Variants in RRP1B observed in about 807,000 individuals in gnomAD.
The protein encoded by RRP1B is ribosomal RNA processing protein 1 homolog B.
A neutral mutation model predicts 80.2 loss-of-function variants in RRP1B; 56 were observed. The ratio of observed to expected loss-of-function variants is 0.70; its 90% CI spans 0.56 to 0.87. RRP1B has a LOEUF of 0.87. RRP1B is among the 40% of genes least tolerant of loss of function. RRP1B has a pLI of 0.00. For synonymous variants in RRP1B, 351 were observed against 357.6 expected (o/e 0.98, Z 0.21); for missense variants, 807 against 939.8 (o/e 0.86, Z 1.85).
Position 43,691,983 on chromosome 21 carries a change from A to T in RRP1B, c.2083+481A>T, listed in dbSNP as rs545503190. 1.7e-4 allele frequency among the ~76,000 whole-genome samples: 26 copies of T among 152,162 alleles called. No individual in the cohort carries two copies. Among genetic ancestry groups the T allele is most frequent in the African/African-American group, 6.3e-4 (26 of 41,498 alleles). ...ATTTCTGAGTCAGAAGGAAGCACCT[A>T]TGTGTCTGTCCCTCATCCTCAAAGG... On this transcript the variant is annotated intron_variant, in intron 15 of 15. Coordinates refer to ENST00000340648, the MANE Select transcript of RRP1B (RefSeq NM_015056.3). The surrounding 1 kb of genome is among the most constrained non-coding windows in gnomAD (Gnocchi z 4.2).
chr21:43,671,514 C>T (rs919098194), intron 2 of RRP1B, among the ~76,000 whole-genome samples: 1 of 151,954 alleles, frequency 6.6e-6, no homozygotes, highest in African/African-American at 2.4e-5. Flanking sequence ...ACTACAGGTG[C>T]ACGCCTCCAT....
rs373625603 is a variant in RRP1B at position 43,690,279 on chromosome 21, C to T, written c.1867-9C>T. The stretch of plus-strand genomic sequence containing the variant: ...CCCCTCCTCCGCTTCTCACCCCTCG[C>T]TCACGTAGGGAAGCAGTGGGACTTG... On this transcript the variant is annotated splice_polypyrimidine_tract_variant and intron_variant, in intron 13 of 15. Coordinates refer to ENST00000340648, the MANE Select transcript of RRP1B (RefSeq NM_015056.3). 2 of 1,613,854 alleles carry T rather than the reference C, an allele frequency of 1.2e-6. No homozygotes were observed. Among genetic ancestry groups the T allele is most frequent in the East Asian group, 2.2e-5 (1 of 44,886 alleles).
At chr21:43,692,952 G>C (rs536739384) in intron 15 of RRP1B, among the ~76,000 whole-genome samples, 1 of 152,120 alleles carries the variant, frequency 6.6e-6, no homozygotes, top group Non-Finnish European at 1.5e-5. Flanking sequence ...GCTCCCCTTA[G>C]TCTGTGCAGG....
Position 43,659,869 on chromosome 21 carries a change from G to T in RRP1B, c.130+75G>T, listed in dbSNP as rs1045641401. On this transcript the variant is annotated intron_variant, in intron 1 of 15. Transcript: ENST00000340648. This position sits in a 1 kb window ranked among gnomAD's most constrained non-coding sequence, Gnocchi z 4.2. ...GGGCTGGGGCTAGGGCCAGGGCCCCGGCACGGAATGCGGCTTCCACGTGTT... is the reference window on the plus strand; with the variant it reads ...GGGCTGGGGCTAGGGCCAGGGCCCCTGCACGGAATGCGGCTTCCACGTGTT... The T allele has an allele frequency of 4.4e-6, 6 of 1,362,182 alleles. No individual in the cohort carries two copies. The African/African-American group carries it at 7.7e-5, about 17-fold the overall frequency. 84.4% of individuals were successfully genotyped at this position (1,362,182 alleles called of 1,614,324 possible). A position where few individuals can be genotyped will look rare whatever the true frequency, so the allele number is the denominator to read the frequency against.
intron 10 of RRP1B, 80 bp from the exon 11 acceptor site, chr21:43,685,690 T>C: frequency 9.5e-7 from 1 of 1,049,162 alleles, no homozygotes; most frequent in Non-Finnish European, 1.3e-6. Context: ...CAAATACATA[T>C]GTCTACAGAA....
intron 12 of RRP1B, 108 bp downstream of exon 12, chr21:43,687,043 GC>G (rs2083065933): frequency 1.6e-6 from 2 of 1,242,358 alleles, no homozygotes; most frequent in African/African-American, 3.0e-5. Context: ...CATTAGCAGA[GC>G]CCAAAGCTTC....
chr21:43,662,230 G>A (rs565297871), intron 1 of RRP1B, among the ~76,000 whole-genome samples: 2 of 152,228 alleles, frequency 1.3e-5, no homozygotes, highest in Non-Finnish European at 2.9e-5. Context: ...CAGAGGTTAT[G>A]CGGGGGCCTA....
At chr21:43,679,178 C>T (rs555762996) in intron 8 of RRP1B, among the ~76,000 whole-genome samples, 8 of 151,390 alleles carry the variant, frequency 5.3e-5, no homozygotes, top group Non-Finnish European at 7.4e-5. Flanking sequence ...AGTTTGAAAT[C>T]GAGTGTTCTG....
Position 43,686,810 on chromosome 21 carries a change from G to A in RRP1B, c.1016G>A (p.Ser339Asn), listed in dbSNP as rs2083064910. The change falls in exon 12 of 16, where the codon AGT (serine) becomes AAT (asparagine). Residue 339 changes from serine (S) to asparagine (N), a missense_variant. Ser to Asn is a conservative substitution (Grantham distance 46, BLOSUM62 1). Transcript: ENST00000340648. ...GTGTCACTCTGGCATCTAGGAAGCAGTATATCTCAACTCAGTTTTGCGGAG... is the reference window on the plus strand; with the variant it reads ...GTGTCACTCTGGCATCTAGGAAGCAATATATCTCAACTCAGTTTTGCGGAG... ...KKFQDLSEGS[S>N]ISQLSFAEDI... is the part of the protein sequence containing the mutation. 4.3e-6 allele frequency: 7 copies of A among 1,614,050 alleles called. No individual in the cohort carries two copies. Among genetic ancestry groups the A allele is most frequent in the Non-Finnish European group, 5.1e-6 (6 of 1,179,964 alleles).
chr21:43,665,875 C>T (rs943233189), intron 1 of RRP1B, among the ~76,000 whole-genome samples: 1 of 152,204 alleles, frequency 6.6e-6, no homozygotes, highest in Non-Finnish European at 1.5e-5. Flanking sequence ...AACCTCTTAG[C>T]GTCAGGTGTT....
intron 1 of RRP1B, among the ~76,000 whole-genome samples, chr21:43,667,414 T>G (rs1208638042): frequency 1.3e-5 from 2 of 151,222 alleles, no homozygotes; most frequent in Non-Finnish European, 3.0e-5. Flanking sequence ...TTGTTGTTGG[T>G]GTGTGTGTGT....
chr21:43,676,908 A>T lies in RRP1B; in HGVS notation c.790A>T (p.Lys264Ter), dbSNP rs1326020064. 6.2e-7 allele frequency: 1 copy of T among 1,614,112 alleles called. No individual in the cohort carries two copies. The highest frequency in any genetic ancestry group is 2.2e-5 in the East Asian group (1 of 44,888). The part of the protein sequence containing the change: ...VSLRRAVSKK[K>*]TALGKNHSRK... The stretch of plus-strand genomic sequence containing the variant: ...CTTGAGAAGAGCTGTCAGTAAAAAG[A>T]AGACAGGTAGGAGGATGTTCTTGGT... The change falls in exon 8 of 16, where the codon AAG (lysine) becomes TAG (stop). Residue 264 changes from lysine to a stop codon, truncating the protein, a stop_gained. Coordinates refer to ENST00000340648, the MANE Select transcript of RRP1B (RefSeq NM_015056.3). LOFTEE classifies it high-confidence loss of function.
intron 8 of RRP1B, among the ~76,000 whole-genome samples, chr21:43,681,873 C>G (rs2083044875): frequency 6.6e-6 from 1 of 152,234 alleles, no homozygotes; most frequent in African/African-American, 2.4e-5. Context: ...ATCAGTTGAA[C>G]CTGGGAGGGT....
At chr21:43,684,793 C>A in intron 10 of RRP1B, 143 bp downstream of exon 10, 1 of 657,612 alleles carries the variant, frequency 1.5e-6, no homozygotes, top group Non-Finnish European at 2.6e-6. Context: ...ATGTAATAGA[C>A]ACATGTAAAC....
In RRP1B at chr21:43,676,760, G is replaced by A. The variant is rs764158729; in HGVS notation, c.642G>A (p.Arg214=). 8.1e-6 allele frequency: 13 copies of A among 1,614,088 alleles called. No homozygotes were observed. In the East Asian group the frequency reaches 2.4e-4, roughly 30 times the overall value. The change falls in exon 8 of 16, where the codon CGG becomes CGA. Residue 214 remains arginine, a synonymous_variant. Coordinates refer to ENST00000340648, the MANE Select transcript of RRP1B (RefSeq NM_015056.3). ...ACACCCTGGTACAGACCATAGCTCG[G>A]GGTGTCTTCGAAGCTATCGTAGATC... The part of the protein sequence containing the change: ...KDHTLVQTIA[R]GVFEAIVDQS...
Position 43,676,763 on chromosome 21 carries a change from T to G in RRP1B, c.645T>G (p.Gly215=). ...DHTLVQTIAR[G]VFEAIVDQSP... is the part of the protein sequence containing the mutation. Reference sequence around the variant, plus strand: ...CCCTGGTACAGACCATAGCTCGGGGTGTCTTCGAAGCTATCGTAGATCAGT... The same window carrying G: ...CCCTGGTACAGACCATAGCTCGGGGGGTCTTCGAAGCTATCGTAGATCAGT... The change falls in exon 8 of 16, where the codon GGT becomes GGG. Residue 215 remains glycine, a synonymous_variant. Transcript: ENST00000340648. 6.2e-7 allele frequency: 1 copy of G among 1,614,162 alleles called. No homozygotes were observed. The highest frequency in any genetic ancestry group is 8.5e-7 in the Non-Finnish European group (1 of 1,180,024).
In RRP1B at chr21:43,661,329, C is replaced by CA. The variant is rs2082956038; in HGVS notation, c.130+1542dup. On this transcript the variant is annotated intron_variant, in intron 1 of 15. Coordinates refer to ENST00000340648, the MANE Select transcript of RRP1B (RefSeq NM_015056.3). ...ACCTGGCACCTCACACTCAGGATGC[C>CA]AAAAAAAGTTCTGTTTTCTTTCCCC... Among the ~76,000 whole-genome samples, 5 of 152,000 alleles carry CA rather than the reference C, an allele frequency of 3.3e-5. No homozygotes were observed. In the South Asian group the frequency reaches 1.0e-3, roughly 31 times the overall value.
Position 43,691,356 on chromosome 21 carries a change from G to T in RRP1B, c.2020-83G>T. Reference sequence around the variant, plus strand: ...GCAGTGTGGGCGGCATACCCTCCAGGGCAGGTTCTCCAGAAAAATCTGACT... The same window carrying T: ...GCAGTGTGGGCGGCATACCCTCCAGTGCAGGTTCTCCAGAAAAATCTGACT... On this transcript the variant is annotated intron_variant, in intron 14 of 15. Coordinates refer to ENST00000340648, the MANE Select transcript of RRP1B (RefSeq NM_015056.3). This position sits in a 1 kb window ranked among gnomAD's most constrained non-coding sequence, Gnocchi z 4.2. The T allele has an allele frequency of 7.7e-7, 1 of 1,300,946 alleles. No homozygotes were observed. The highest frequency in any genetic ancestry group is 1.1e-6 in the Non-Finnish European group (1 of 906,480). The allele number at this position is 1,300,946 out of a possible 1,614,324, so 80.6% of individuals were successfully genotyped here. A position where few individuals can be genotyped will look rare whatever the true frequency, so the allele number is the denominator to read the frequency against.
intron 8 of RRP1B, among the ~76,000 whole-genome samples, chr21:43,681,510 C>G (rs2083043579): frequency 6.6e-6 from 1 of 152,136 alleles, no homozygotes; most frequent in Admixed American, 6.5e-5. Context: ...CATGCACCAC[C>G]ATGCTTAGCA....
Sources: gnomAD v4.1 joint callset for allele counts (sites outside exome capture counted in the v4.1 genomes callset) on GRCh38, gnomAD v4.1.1 for gene constraint, Gnocchi (gnomAD v3.1) non-coding constraint, MANE v1.5 for transcripts, NCBI Gene and HGNC (gene_info 2026-07-23, HGNC 2026-07-21) for gene names.